The following CCNQ variants were observed in gnomAD, a reference collection of about 807,000 sequenced individuals.
CCNQ encodes cyclin-Q.
CCNQ carries 3 observed loss-of-function variants against 17.7 expected under a neutral mutation model. The observed-to-expected ratio is 0.17, with a 90% confidence interval of 0.08 to 0.44. CCNQ has a LOEUF of 0.44. Among genes scored for constraint, CCNQ ranks in the 20% least tolerant of loss-of-function variants. The probability of loss-of-function intolerance (pLI) is 0.99; values close to 1 mark genes in which losing one functional copy is unlikely to be tolerated. For missense variants in CCNQ, 146 were observed against 222.6 expected, an observed-to-expected ratio of 0.66 and a Z score of 2.19; for synonymous variants, 73 against 96.0, an observed-to-expected ratio of 0.76 and a Z score of 1.40.
Position 153,594,501 on chromosome X carries a change from C to T in CCNQ, c.429+46G>A, listed in dbSNP as rs1557026509. 2.5e-6 allele frequency: 3 copies of T among 1,201,932 alleles called. No homozygotes were observed. In the Admixed American group the frequency reaches 6.5e-5, roughly 26 times the overall value. ...CACTTTTGGGATAAAGAACAGAGAC[C>T]ATGGCTTGAGCCTCTCCAAACAGGC... On this transcript the variant is annotated intron_variant, in intron 3 of 4. Coordinates refer to ENST00000576892, the MANE Select transcript of CCNQ (RefSeq NM_152274.5).
rs782704239 is a variant in CCNQ at position 153,592,411 on chromosome X, CT to C, written c.657+94del. Reference sequence around the variant, plus strand: ...ATGTTCCCCAGCAGCCCGTATCTTTCTTCATGGATAATTAATAGAATTTGGT... The same window carrying C: ...ATGTTCCCCAGCAGCCCGTATCTTTCTCATGGATAATTAATAGAATTTGGT... On this transcript the variant is annotated intron_variant, in intron 4 of 4. Coordinates refer to ENST00000576892, the MANE Select transcript of CCNQ (RefSeq NM_152274.5). 1,240 of 902,542 alleles carry C rather than the reference CT, an allele frequency of 1.4e-3. 14 individuals carry two copies. The African/African-American group carries it at 0.022, about 16-fold the overall frequency. The allele number at this position is 902,542 out of a possible 1,213,427, so 74.4% of individuals were successfully genotyped here. A position where few individuals can be genotyped will look rare whatever the true frequency, so the allele number is the denominator to read the frequency against.
At position 153,592,842 on chromosome X, in the gene CCNQ, G is replaced by A; in HGVS notation, c.430-109C>T. On this transcript the variant is annotated intron_variant, in intron 3 of 4. Transcript: ENST00000576892. Reference sequence around the variant, plus strand: ...CTCCAGCAGCTTCCATGTCCCTCAGGAAGAAGCCCCAAGGCCTTCTGCTGG... The same window carrying A: ...CTCCAGCAGCTTCCATGTCCCTCAGAAAGAAGCCCCAAGGCCTTCTGCTGG... 9.2e-6 allele frequency: 7 copies of A among 760,994 alleles called. No individual in the cohort carries two copies. In the South Asian group the frequency reaches 1.7e-4, roughly 18 times the overall value. The allele number at this position is 760,994 out of a possible 1,213,427, so 62.7% of individuals were successfully genotyped here.
intron 4 of CCNQ, 43 bp from the exon 5 acceptor site, chrX:153,588,497 A>G: frequency 7.1e-6 from 7 of 987,399 alleles, no homozygotes; most frequent in Non-Finnish European, 1.0e-5. Flanking sequence ...GACTCCCTCT[A>G]TGTTAAACAA....
intron 1 of CCNQ, 39 bp downstream of exon 1, chrX:153,598,923 G>T (rs2091046919): frequency 6.9e-6 from 7 of 1,016,559 alleles, no homozygotes; most frequent in Non-Finnish European, 9.0e-6. Context: ...GAAGCGGGCC[G>T]CGGCGCCGCC....
chrX:153,597,052 G>A (rs2148303000), intron 1 of CCNQ, among the ~76,000 whole-genome samples: 2 of 112,305 alleles, frequency 1.8e-5, no homozygotes, highest in East Asian at 5.6e-4. Flanking sequence ...AGGGGTTAAA[G>A]CCCATCCCCA....
Position 153,595,999 on chromosome X carries a change from AT to A in CCNQ, c.296+4del. On this transcript the variant is annotated splice_donor_region_variant and intron_variant, in intron 2 of 4. Coordinates refer to ENST00000576892, the MANE Select transcript of CCNQ (RefSeq NM_152274.5). ...GAGATCAGGAGCCCAGCCAAATGCCATTACCTGTTGGACACATTGATGATGT... is the reference window on the plus strand; with the variant it reads ...GAGATCAGGAGCCCAGCCAAATGCCATACCTGTTGGACACATTGATGATGT... 8.3e-7 allele frequency: 1 copy of A among 1,211,812 alleles called. No homozygotes were observed. The highest frequency in any genetic ancestry group is 1.1e-6 in the Non-Finnish European group (1 of 895,391).
At chrX:153,592,789 C>A in intron 3 of CCNQ, 56 bp from the exon 4 acceptor site, 2 of 1,042,442 alleles carry the variant, frequency 1.9e-6, no homozygotes, top group Non-Finnish European at 2.6e-6. Context: ...CTCATGCTGA[C>A]ATAATCATAT....
chrX:153,589,704 C>T (rs1274506445), intron 4 of CCNQ, among the ~76,000 whole-genome samples: 1 of 112,756 alleles, frequency 8.9e-6, no homozygotes, highest in Non-Finnish European at 1.9e-5. Context: ...AAGAACTGGA[C>T]CTACGTCCAC....
intron 2 of CCNQ, 121 bp from the exon 3 acceptor site, chrX:153,594,800 G>A: frequency 1.3e-6 from 1 of 765,237 alleles, no homozygotes; most frequent in Admixed American, 2.5e-5. Context: ...GCAGATTCAT[G>A]GAGGGTCATT....
chrX:153,596,257 A>T, intron 1 of CCNQ, 70 bp from the exon 2 acceptor site: 3 of 1,090,733 alleles, frequency 2.8e-6, no homozygotes, highest in Non-Finnish European at 3.8e-6. Flanking sequence ...GAGGGGAGCC[A>T]TTGGAATGGG....
Position 153,594,643 on chromosome X carries a change from G to A in CCNQ, c.333C>T (p.Asp111=). ...TGTCCCGGAGTTCCCAGAAGCGGGAGTCCAATTCCAGGGGCTCACCGCTTG... is the reference window on the plus strand; with the variant it reads ...TGTCCCGGAGTTCCCAGAAGCGGGAATCCAATTCCAGGGGCTCACCGCTTG... The part of the protein sequence containing the change: ...FNPSGEPLEL[D]SRFWELRDSI... The change falls in exon 3 of 5, where the codon GAC becomes GAT. Residue 111 remains aspartate, a synonymous_variant. Transcript: ENST00000576892. 2 of 1,211,570 alleles carry A rather than the reference G, an allele frequency of 1.7e-6. No homozygotes were observed. Among genetic ancestry groups the A allele is most frequent in the Non-Finnish European group, 2.2e-6 (2 of 895,206 alleles).
chrX:153,598,743 T>C (rs2091045462), intron 1 of CCNQ, among the ~76,000 whole-genome samples: 1 of 113,002 alleles, frequency 8.8e-6, no homozygotes, highest in South Asian at 3.5e-4. Context: ...GGCCACGTCC[T>C]CTCCTAGGGC....
chrX:153,592,042 T>C (rs1480643965), intron 4 of CCNQ, among the ~76,000 whole-genome samples: 1 of 110,529 alleles, frequency 9.0e-6, no homozygotes, highest in Non-Finnish European at 1.9e-5. Flanking sequence ...TACCTATTAA[T>C]ACCTATCAAT....
chrX:153,592,614 G>T lies in CCNQ; in HGVS notation c.549C>A (p.Cys183Ter), dbSNP rs1557026054. Reference sequence around the variant, plus strand: ...CGATGTGCTGGGCCTGGAAGCGGAGGCACAGCGCCCCATGGTAGCTGTCCC... The same window carrying T: ...CGATGTGCTGGGCCTGGAAGCGGAGTCACAGCGCCCCATGGTAGCTGTCCC... ...LLRDSYHGAL[C>*]LRFQAQHIAV... The change falls in exon 4 of 5, where the codon TGC (cysteine) becomes TGA (stop). Residue 183 changes from cysteine to a stop codon, truncating the protein, a stop_gained. Coordinates refer to ENST00000576892, the MANE Select transcript of CCNQ (RefSeq NM_152274.5). LOFTEE classifies it high-confidence loss of function. 1 of 1,211,306 alleles carries T rather than the reference G, an allele frequency of 8.3e-7. No homozygotes were observed.
At chrX:153,596,567 A>G (rs1557027156) in intron 1 of CCNQ, among the ~76,000 whole-genome samples, 1 of 112,576 alleles carries the variant, frequency 8.9e-6, no homozygotes, top group Non-Finnish European at 1.9e-5. Flanking sequence ...GAAAAGGACT[A>G]TATGCTGTTG....
intron 2 of CCNQ, among the ~76,000 whole-genome samples, chrX:153,595,765 AGCTTTCGAG>A (rs2091023451): frequency 8.9e-6 from 1 of 112,265 alleles, no homozygotes; most frequent in African/African-American, 3.2e-5. Flanking sequence ...CCCTCCATCC[AGCTTTCGAG>A]GCTCCCCATA....
chrX:153,591,923 C>G lies in CCNQ; in HGVS notation c.657+583G>C, dbSNP rs781806832. On this transcript the variant is annotated intron_variant, in intron 4 of 4. Transcript: ENST00000576892. ...ATGCTGTGGTCTTCCACAAGGCACA[C>G]GGGCCAGGGAAGAGAGGCAGGGCTA... is the stretch of plus-strand genomic sequence containing the variant. Among the ~76,000 whole-genome samples the G allele has an allele frequency of 5.5e-5, 6 of 109,367 alleles. No individual in the cohort carries two copies. In the East Asian group the frequency reaches 1.7e-3, roughly 31 times the overall value. The allele number at this position is 109,367 out of a possible 115,157, so 95.0% of individuals were successfully genotyped here.
chrX:153,595,222 A>G (rs1303671192), intron 2 of CCNQ, among the ~76,000 whole-genome samples: 3 of 113,000 alleles, frequency 2.7e-5, no homozygotes, highest in Admixed American at 9.3e-5. Context: ...GGCTCAAGCG[A>G]TCCTCCCGCC....
Position 153,594,624 on chromosome X carries a change from G to A in CCNQ, c.352C>T (p.Arg118Trp), listed in dbSNP as rs918989098. The A allele has an allele frequency of 8.3e-7, 1 of 1,211,452 alleles. No homozygotes were observed. Among genetic ancestry groups the A allele is most frequent in the Admixed American group, 2.2e-5 (1 of 46,075 alleles). The change falls in exon 3 of 5, where the codon CGG (arginine) becomes TGG (tryptophan). Residue 118 changes from arginine to tryptophan, a missense_variant. Transcript: ENST00000576892. ...LELDSRFWEL[R>W]DSIVQCELLM... is the part of the protein sequence containing the mutation. ...AGCTCACACTGCACGATGCTGTCCC[G>A]GAGTTCCCAGAAGCGGGAGTCCAAT... is the stretch of plus-strand genomic sequence containing the variant.
Sources: allele counts gnomAD v4.1 joint callset (sites outside exome capture counted in the v4.1 genomes callset), GRCh38; gene constraint gnomAD v4.1.1; transcripts MANE v1.5; gene names NCBI Gene and HGNC (gene_info 2026-07-23, HGNC 2026-07-21).